ZNF521: variants seen among roughly 807,000 people sequenced by gnomAD.
ZNF521 encodes the protein LYST-interacting protein 3.
In ZNF521, 14 loss-of-function variants were observed where a neutral mutation model predicts 105.5. The ratio of observed to expected loss-of-function variants is 0.13; its 90% confidence interval spans 0.09 to 0.21. The LOEUF (loss-of-function observed/expected upper bound fraction) is 0.21. Ranked by LOEUF, ZNF521 falls within the 10% of genes least tolerant of loss-of-function variation. ZNF521 has a pLI of 1.00. For missense variants in ZNF521, 1,233 were observed against 1,629.7 expected, an observed-to-expected ratio of 0.76 and a Z score of 4.19; for synonymous variants, 635 against 606.0, an observed-to-expected ratio of 1.05 and a Z score of -0.70.
At chr18:25,165,338 G>T (rs368674392) in intron 5 of ZNF521, among the ~76,000 whole-genome samples, 3 of 152,160 alleles carry the variant, frequency 2.0e-5, no homozygotes, top group South Asian at 4.1e-4. Flanking sequence ...AGCTCCCTCT[G>T]TGCTCTCAAT....
rs116596879 is a variant in ZNF521, at chr18:25,079,178, G to A, written c.3906+10287C>T. Reference sequence around the variant, plus strand: ...GCCAGTGCGTGGGGTCTGGATTGGCGCTCATGCCACTGGTTGGCCCAGGCC... The same window carrying A: ...GCCAGTGCGTGGGGTCTGGATTGGCACTCATGCCACTGGTTGGCCCAGGCC... On this transcript the variant is annotated intron_variant, in intron 7 of 7. Transcript: ENST00000361524. 2.3e-3 allele frequency among the ~76,000 whole-genome samples: 357 copies of A among 152,372 alleles called. 2 individuals are homozygous for A. The highest frequency in any genetic ancestry group is 8.1e-3 in the African/African-American group (336 of 41,598).
chr18:25,159,464 T>G (rs1028038066), intron 5 of ZNF521, among the ~76,000 whole-genome samples: 7 of 151,800 alleles, frequency 4.6e-5, no homozygotes, highest in African/African-American at 1.5e-4. Flanking sequence ...AGGGAACATG[T>G]AAAAAACAGG....
intron 3 of ZNF521, among the ~76,000 whole-genome samples, chr18:25,294,027 T>C (rs1205923203): frequency 6.6e-6 from 1 of 152,216 alleles, no homozygotes; most frequent in Non-Finnish European, 1.5e-5. Flanking sequence ...AAAAGGTTCA[T>C]TTTTATCATT....
At chr18:25,080,356 A>G (rs1056280693) in intron 7 of ZNF521, among the ~76,000 whole-genome samples, 5 of 152,170 alleles carry the variant, frequency 3.3e-5, no homozygotes, top group Non-Finnish European at 7.3e-5. Flanking sequence ...TTTAAGCACT[A>G]TTCATCTCGC....
At chr18:25,063,480 G>A (rs1036875152) in intron 7 of ZNF521, among the ~76,000 whole-genome samples, 4 of 152,142 alleles carry the variant, frequency 2.6e-5, no homozygotes, top group Non-Finnish European at 5.9e-5. Context: ...ATCTATGCTA[G>A]CATGTCCCCT....
intron 3 of ZNF521, among the ~76,000 whole-genome samples, chr18:25,231,198 G>C (rs1262514976): frequency 6.6e-6 from 1 of 152,206 alleles, no homozygotes; most frequent in Admixed American, 6.5e-5. Flanking sequence ...TTGTTAGCCA[G>C]CCAGGCTTTC....
intron 7 of ZNF521, among the ~76,000 whole-genome samples, chr18:25,088,439 T>A (rs2033674069): frequency 1.3e-5 from 2 of 151,988 alleles, no homozygotes; most frequent in Admixed American, 6.6e-5. Context: ...CAGGATGGTA[T>A]CGATCTCCTG....
intron 4 of ZNF521, among the ~76,000 whole-genome samples, chr18:25,217,343 A>C (rs192508776): frequency 1.3e-5 from 2 of 152,302 alleles, no homozygotes; most frequent in Admixed American, 1.3e-4. Context: ...GAGATATTTG[A>C]AGATACTTAT....
At chr18:25,224,255 A>T in intron 4 of ZNF521, 90 bp downstream of exon 4, 1 of 1,216,458 alleles carries the variant, frequency 8.2e-7, no homozygotes, top group South Asian at 1.5e-5. Flanking sequence ...TTGGCCCATG[A>T]CAATAAATAA....
rs10540123 is a variant in ZNF521 at position 25,062,752 on chromosome 18, CAAAAAAAAAAAAAAAA to C, written c.3907-27_3907-12del. ...GGTCATTGTATGATTCTGTAAATAA[CAAAAAAAAAAAAAAAA>C]AAAAAAAAAAAAAAAAAGAGAAGAG... is the stretch of plus-strand genomic sequence containing the variant. On this transcript the variant is annotated splice_polypyrimidine_tract_variant and intron_variant, in intron 7 of 7. Transcript: ENST00000361524. 6.0e-3 allele frequency: 2,171 copies of C among 364,482 alleles called. 6 individuals carry two copies. Among genetic ancestry groups the C allele is most frequent in the East Asian group, 0.026 (548 of 21,408 alleles). 22.6% of individuals were successfully genotyped at this position (364,482 alleles called of 1,614,324 possible).
At chr18:25,126,328 A>C (rs745911330) in intron 5 of ZNF521, among the ~76,000 whole-genome samples, 1 of 151,888 alleles carries the variant, frequency 6.6e-6, no homozygotes, top group Non-Finnish European at 1.5e-5. Flanking sequence ...TTATGCTTAC[A>C]TTCTACACAG....
chr18:25,347,591 T>G (rs1370628909), intron 2 of ZNF521, among the ~76,000 whole-genome samples: 1 of 152,182 alleles, frequency 6.6e-6, no homozygotes, highest in African/African-American at 2.4e-5. Context: ...AGGAGATGGA[T>G]TCTTAGGACA....
chr18:25,101,642 G>A (rs1453006260), intron 5 of ZNF521, among the ~76,000 whole-genome samples: 3 of 152,130 alleles, frequency 2.0e-5, no homozygotes, highest in Non-Finnish European at 4.4e-5. Context: ...AGAACAATAT[G>A]TAAACTTCAC....
chr18:25,235,431 C>T (rs1267089701), intron 3 of ZNF521, among the ~76,000 whole-genome samples: 1 of 152,116 alleles, frequency 6.6e-6, no homozygotes, highest in Non-Finnish European at 1.5e-5. Flanking sequence ...TCGGAAATGG[C>T]TTCGTTAGGG....
intron 7 of ZNF521, among the ~76,000 whole-genome samples, chr18:25,069,100 G>C (rs1174832730): frequency 6.6e-6 from 1 of 152,108 alleles, no homozygotes; most frequent in African/African-American, 2.4e-5. Flanking sequence ...TCTCTGGTTC[G>C]AATCAATATA....
Position 25,118,704 on chromosome 18 carries a change from A to G in ZNF521, c.3659-26623T>C, listed in dbSNP as rs187526742. Among the ~76,000 whole-genome samples the G allele has an allele frequency of 5.2e-3, 785 of 152,148 alleles. 7 individuals are homozygous for G. Among genetic ancestry groups the G allele is most frequent in the African/African-American group, 0.018 (755 of 41,552 alleles). On this transcript the variant is annotated intron_variant, in intron 5 of 7. Coordinates refer to ENST00000361524, the MANE Select transcript of ZNF521 (RefSeq NM_015461.3). ...TTATAAAAACGATTCAGAAAGTCCA[A>G]AAGGGGGAAGAAAAGGAAGAAATGA...
intron 2 of ZNF521, among the ~76,000 whole-genome samples, chr18:25,340,955 G>A (rs1914166593): frequency 6.6e-6 from 1 of 152,118 alleles, no homozygotes; most frequent in Non-Finnish European, 1.5e-5. Context: ...TAAAAATTTG[G>A]TATAATGATG....
intron 3 of ZNF521, among the ~76,000 whole-genome samples, chr18:25,240,443 C>G (rs1056913837): frequency 3.3e-5 from 5 of 152,150 alleles, no homozygotes; most frequent in African/African-American, 1.2e-4. Context: ...GAACAGTAGT[C>G]AAGAGACAAG....
intron 3 of ZNF521, among the ~76,000 whole-genome samples, chr18:25,270,498 G>A (rs973930417): frequency 4.6e-5 from 7 of 152,046 alleles, no homozygotes; most frequent in East Asian, 3.9e-4. Context: ...GGCCAATATC[G>A]CTGATGAACA....
Sources: allele counts gnomAD v4.1 joint callset (sites outside exome capture counted in the v4.1 genomes callset), GRCh38; gene constraint gnomAD v4.1.1; transcripts MANE v1.5; gene names NCBI Gene and HGNC (gene_info 2026-07-23, HGNC 2026-07-21).